PLPPR5: variants seen among roughly 807,000 people sequenced by gnomAD.
PLPPR5 encodes phospholipid phosphatase related 5, also known as phospholipid phosphatase-related protein type 5.
PLPPR5 carries 16 observed loss-of-function variants against 33.9 expected under a neutral mutation model. The observed-to-expected ratio is 0.47, with a 90% CI of 0.32 to 0.72. The LOEUF (loss-of-function observed/expected upper bound fraction) is 0.72, where lower values mean the gene tolerates loss of function less well. PLPPR5 is among the 30% of genes least tolerant of loss of function. The probability of loss-of-function intolerance (pLI) is 0.03; values close to 1 mark genes in which losing one functional copy is unlikely to be tolerated. For synonymous variants in PLPPR5, 163 were observed against 150.3 expected (o/e 1.08, Z -0.62); for missense variants, 301 against 406.7 (o/e 0.74, Z 2.23).
At chr1:98,959,752 C>A (rs1651158165) in intron 1 of PLPPR5, among the ~76,000 whole-genome samples, 1 of 152,088 alleles carries the variant, frequency 6.6e-6, no homozygotes, top group Non-Finnish European at 1.5e-5. Context: ...TTCCAAATTC[C>A]CAGGAGGTTT....
chr1:98,963,467 G>A (rs1222029698), intron 1 of PLPPR5, among the ~76,000 whole-genome samples: 2 of 152,148 alleles, frequency 1.3e-5, no homozygotes, highest in Admixed American at 6.6e-5. Flanking sequence ...CTGTATGAAT[G>A]AAGAGAATGC....
intron 5 of PLPPR5, 61 bp from the exon 6 acceptor site, chr1:98,893,165 T>C (rs574594397): frequency 2.0e-6 from 3 of 1,464,556 alleles, no homozygotes; most frequent in African/African-American, 1.4e-5. Context: ...TTGTAAAATA[T>C]GTAGTACCTT....
chr1:98,938,141 A>G (rs2101187191), intron 3 of PLPPR5, among the ~76,000 whole-genome samples: 1 of 152,256 alleles, frequency 6.6e-6, no homozygotes, highest in African/African-American at 2.4e-5. Flanking sequence ...GTAGTTTTGA[A>G]AAAAAGCAAA....
intron 5 of PLPPR5, among the ~76,000 whole-genome samples, chr1:98,895,986 C>T (rs1488448940): frequency 1.3e-5 from 2 of 151,404 alleles, no homozygotes; most frequent in Non-Finnish European, 2.9e-5. Context: ...GAACCTATAT[C>T]ATAAATGAAA....
intron 5 of PLPPR5, among the ~76,000 whole-genome samples, chr1:98,896,428 A>T (rs1056339691): frequency 2.0e-5 from 3 of 152,110 alleles, no homozygotes; most frequent in African/African-American, 7.2e-5. Flanking sequence ...CAGTAGGCAA[A>T]CCAAAAGCTC....
At chr1:98,940,881 G>C (rs1249551885) in intron 3 of PLPPR5, among the ~76,000 whole-genome samples, 3 of 151,814 alleles carry the variant, frequency 2.0e-5, no homozygotes, top group Admixed American at 6.6e-5. Flanking sequence ...TTCAGGCTTG[G>C]GTAACGAGGG....
At chr1:98,900,393 G>C (rs1257098080) in intron 5 of PLPPR5, among the ~76,000 whole-genome samples, 1 of 152,026 alleles carries the variant, frequency 6.6e-6, no homozygotes, top group Non-Finnish European at 1.5e-5. Flanking sequence ...AGTTCAGACA[G>C]GTCTCCCTTT....
At chr1:98,971,327 T>C (rs1236812643) in intron 1 of PLPPR5, among the ~76,000 whole-genome samples, 1 of 152,134 alleles carries the variant, frequency 6.6e-6, no homozygotes, top group Admixed American at 6.6e-5. Context: ...ATATATTTAT[T>C]TGCAGATGTT....
At chr1:98,997,554 T>G (rs1351940985) in intron 1 of PLPPR5, among the ~76,000 whole-genome samples, 1 of 152,184 alleles carries the variant, frequency 6.6e-6, no homozygotes, top group Admixed American at 6.5e-5. Context: ...CAGAGCTTAT[T>G]GAAATATTTT....
intron 1 of PLPPR5, among the ~76,000 whole-genome samples, chr1:98,976,408 T>C (rs542650641): frequency 5.1e-4 from 78 of 152,200 alleles, no homozygotes; most frequent in African/African-American, 1.8e-3. Flanking sequence ...AAACCAAGCA[T>C]TTGAGAAAAT....
rs1227216604 is a variant in PLPPR5, at chr1:98,890,920, C to G, written c.*2152G>C. ...TCAGGTTTAGCAAGGTGCAAAGAAG[C>G]AACCTTGACATAAGAATATATGGCT... On this transcript the variant is annotated 3_prime_UTR_variant, in exon 6 of 6. Coordinates refer to ENST00000263177, the MANE Select transcript of PLPPR5 (RefSeq NM_001037317.2). The G allele has an allele frequency of 1.3e-5, 2 of 152,180 alleles. No individual in the cohort carries two copies. The highest frequency in any genetic ancestry group is 4.8e-5 in the African/African-American group (2 of 41,430). The allele number at this position is 152,180 out of a possible 1,614,324, so 9.4% of individuals were successfully genotyped here.
intron 1 of PLPPR5, among the ~76,000 whole-genome samples, chr1:98,975,326 G>GT (rs1651808990): frequency 6.6e-6 from 1 of 152,046 alleles, no homozygotes; most frequent in African/African-American, 2.4e-5. Flanking sequence ...CAGGCATGTG[G>GT]TAACACTTGT....
intron 1 of PLPPR5, among the ~76,000 whole-genome samples, chr1:98,997,624 A>G (rs531800311): frequency 6.6e-6 from 1 of 152,290 alleles, no homozygotes; most frequent in East Asian, 1.9e-4. Flanking sequence ...CATTTTTTTA[A>G]TCTTTGCTAT....
At position 98,956,665 on chromosome 1, in the gene PLPPR5, A is replaced by T; in HGVS notation, c.314T>A (p.Leu105Ter). 2.5e-6 allele frequency: 4 copies of T among 1,602,914 alleles called. No homozygotes were observed. The highest frequency in any genetic ancestry group is 3.4e-6 in the Non-Finnish European group (4 of 1,175,978). Residue 105 changes from leucine to a stop codon, truncating the protein, a stop_gained, in exon 2 of 6, where the codon TTA becomes TAA. Coordinates refer to ENST00000263177, the MANE Select transcript of PLPPR5 (RefSeq NM_001037317.2). LOFTEE classifies it high-confidence loss of function. ...GTTTATATAGCAACAGTCTCCAGTT[A>T]AAATAGTTTTTTCCTGGTTTTCAAA... The part of the protein sequence containing the change: ...RDFENQEKTI[L>*]TGDCCYINPL...
intron 3 of PLPPR5, among the ~76,000 whole-genome samples, chr1:98,942,292 C>G (rs1650404227): frequency 6.6e-6 from 1 of 152,134 alleles, no homozygotes; most frequent in Non-Finnish European, 1.5e-5. Flanking sequence ...ATCTGCCCGC[C>G]TTGGCCTCCC....
chr1:98,914,274 T>C (rs1649257939), intron 5 of PLPPR5, among the ~76,000 whole-genome samples: 1 of 152,166 alleles, frequency 6.6e-6, no homozygotes, highest in African/African-American at 2.4e-5. Flanking sequence ...GCTTTTAGCA[T>C]GAGGAAGACA....
chr1:98,947,883 C>T (rs1650615147), intron 3 of PLPPR5, among the ~76,000 whole-genome samples: 1 of 152,212 alleles, frequency 6.6e-6, no homozygotes, highest in Non-Finnish European at 1.5e-5. Context: ...TATTACATAG[C>T]AGATGCTTCA....
intron 5 of PLPPR5, among the ~76,000 whole-genome samples, chr1:98,910,463 C>T (rs962050866): frequency 6.6e-6 from 1 of 152,082 alleles, no homozygotes; most frequent in Non-Finnish European, 1.5e-5. Context: ...TTGATATAAA[C>T]AGGAATTAAG....
intron 1 of PLPPR5, among the ~76,000 whole-genome samples, chr1:98,982,096 G>A (rs1357306606): frequency 3.3e-5 from 5 of 152,062 alleles, no homozygotes; most frequent in Non-Finnish European, 7.4e-5. Flanking sequence ...TACAGAGTAT[G>A]ATTCAGAGAT....
Sources: gnomAD v4.1 joint callset for allele counts (sites outside exome capture counted in the v4.1 genomes callset) on GRCh38, gnomAD v4.1.1 for gene constraint, MANE v1.5 for transcripts, NCBI Gene and HGNC (gene_info 2026-07-23, HGNC 2026-07-21) for gene names.